OTUD7A: variants seen among roughly 807,000 people sequenced by gnomAD.
OTUD7A encodes OTU deubiquitinase 7A.
In OTUD7A, 12 loss-of-function variants were observed where a neutral mutation model predicts 65.7. The ratio of observed to expected loss-of-function variants is 0.18; its 90% CI spans 0.12 to 0.30. OTUD7A has a LOEUF of 0.30. Ranked by LOEUF, OTUD7A falls within the 10% of genes least tolerant of loss-of-function variation. OTUD7A has a pLI of 1.00. For synonymous variants in OTUD7A, 641 were observed against 586.3 expected (o/e 1.09, Z -1.35); for missense variants, 1,148 against 1,304.8 (o/e 0.88, Z 1.85).
At chr15:31,774,520 T>C (rs1007181192) in intron 1 of OTUD7A, among the ~76,000 whole-genome samples, 5 of 152,206 alleles carry the variant, frequency 3.3e-5, no homozygotes, top group African/African-American at 1.2e-4. Context: ...TGGCTTGAAC[T>C]TGCCACTCTG....
intron 5 of OTUD7A, among the ~76,000 whole-genome samples, chr15:31,534,035 A>G (rs1887716617): frequency 6.6e-6 from 1 of 152,222 alleles, no homozygotes; most frequent in African/African-American, 2.4e-5. Context: ...TTATACCAAG[A>G]GGTATACCTA....
At chr15:31,567,914 G>A (rs906637491) in intron 4 of OTUD7A, among the ~76,000 whole-genome samples, 36 of 152,268 alleles carry the variant, frequency 2.4e-4, no homozygotes, top group Non-Finnish European at 3.1e-4. Flanking sequence ...ATGCAAGAGT[G>A]AATGAGGTTT....
intron 1 of OTUD7A, among the ~76,000 whole-genome samples, chr15:31,816,871 CG>C (rs1410327015): frequency 6.6e-6 from 1 of 152,166 alleles, no homozygotes; most frequent in Non-Finnish European, 1.5e-5. Flanking sequence ...ATGGGAAGGG[CG>C]TTCTCAGCAA....
chr15:31,825,490 G>T (rs1418092966), intron 1 of OTUD7A, among the ~76,000 whole-genome samples: 1 of 152,198 alleles, frequency 6.6e-6, no homozygotes, highest in Non-Finnish European at 1.5e-5. Flanking sequence ...CTCCCACTGG[G>T]TCCCTCCCAC....
intron 1 of OTUD7A, among the ~76,000 whole-genome samples, chr15:31,663,464 G>A (rs1474080516): frequency 7.4e-6 from 1 of 135,492 alleles, no homozygotes; most frequent in East Asian, 2.2e-4. Context: ...GCCCCAGGGT[G>A]TGTTGTTCCC....
chr15:31,564,072 A>G (rs1478475237), intron 4 of OTUD7A, among the ~76,000 whole-genome samples: 1 of 150,468 alleles, frequency 6.6e-6, no homozygotes, highest in Non-Finnish European at 1.5e-5. Context: ...ATGCAAAATA[A>G]TAATAACAAT....
intron 5 of OTUD7A, among the ~76,000 whole-genome samples, chr15:31,552,681 C>A (rs1385421111): frequency 6.6e-6 from 1 of 152,242 alleles, no homozygotes; most frequent in Non-Finnish European, 1.5e-5. Flanking sequence ...GAACCCTGGC[C>A]TCTGTCTCTC....
chr15:31,586,169 A>G (rs1889530217), intron 3 of OTUD7A, among the ~76,000 whole-genome samples: 1 of 152,210 alleles, frequency 6.6e-6, no homozygotes, highest in African/African-American at 2.4e-5. Flanking sequence ...CCTCCAGGAT[A>G]GAATGACCAA....
At chr15:31,676,112 AC>A (rs1355296933) in intron 1 of OTUD7A, among the ~76,000 whole-genome samples, 1 of 152,226 alleles carries the variant, frequency 6.6e-6, no homozygotes, top group Non-Finnish European at 1.5e-5. Flanking sequence ...AGATATTGTG[AC>A]TAAAGTGATG....
intron 3 of OTUD7A, among the ~76,000 whole-genome samples, chr15:31,625,632 T>C (rs933304463): frequency 6.6e-6 from 1 of 152,154 alleles, no homozygotes; most frequent in Non-Finnish European, 1.5e-5. Flanking sequence ...TACATCTACC[T>C]GGGATCCAGA....
intron 1 of OTUD7A, among the ~76,000 whole-genome samples, chr15:31,849,058 T>C (rs1200148016): frequency 2.0e-5 from 3 of 152,238 alleles, no homozygotes; most frequent in Non-Finnish European, 4.4e-5. Flanking sequence ...TTCTGGCTTG[T>C]AGAGCTTCTG....
intron 3 of OTUD7A, among the ~76,000 whole-genome samples, chr15:31,600,553 C>T (rs1890043305): frequency 1.3e-5 from 2 of 152,118 alleles, no homozygotes; most frequent in Admixed American, 1.3e-4. Context: ...CTGCAGCAAC[C>T]AACGAGCAAA....
rs188311468 is a variant in OTUD7A at position 31,809,250 on chromosome 15, C to T, written c.-100+61257G>A. On this transcript the variant is annotated intron_variant, in intron 1 of 12. Transcript: ENST00000307050. ...GAATCTGGTATCCTTTCACCACTGG[C>T]GATTCTGAATTCCAGCTCTTAGGAA... Among the ~76,000 whole-genome samples the T allele has an allele frequency of 5.4e-4, 83 of 152,304 alleles. 1 individual carries two copies. The highest frequency in any genetic ancestry group is 1.7e-3 in the African/African-American group (72 of 41,560).
At chr15:31,638,943 G>T (rs2141259355) in intron 3 of OTUD7A, among the ~76,000 whole-genome samples, 1 of 152,168 alleles carries the variant, frequency 6.6e-6, no homozygotes, top group Admixed American at 6.5e-5. Context: ...GACCATCCCG[G>T]CTAACACGGT....
intron 1 of OTUD7A, among the ~76,000 whole-genome samples, chr15:31,814,051 C>T (rs560603333): frequency 5.3e-5 from 8 of 152,312 alleles, no homozygotes; most frequent in African/African-American, 1.9e-4. Flanking sequence ...ACTAGGTCAC[C>T]ATGGGGTAAC....
At chr15:31,562,680 T>C (rs1428732540) in intron 4 of OTUD7A, among the ~76,000 whole-genome samples, 1 of 152,120 alleles carries the variant, frequency 6.6e-6, no homozygotes, top group Non-Finnish European at 1.5e-5. Flanking sequence ...CGATCCTGGG[T>C]ATATTTTAAA....
rs1201890906 is a variant in OTUD7A at position 31,477,817 on chromosome 15, T to C, written c.*5477A>G. The C allele has an allele frequency of 7.0e-6, 1 of 143,082 alleles. No homozygotes were observed. The highest frequency in any genetic ancestry group is 2.0e-4 in the East Asian group (1 of 4,918). The allele number at this position is 143,082 out of a possible 1,614,324, so 8.9% of individuals were successfully genotyped here. A position where few individuals can be genotyped will look rare whatever the true frequency, so the allele number is the denominator to read the frequency against. On this transcript the variant is annotated 3_prime_UTR_variant, in exon 13 of 13. Transcript: ENST00000307050. ...GATGGGGAGGCGAGAATCAAATAAATGGATGAATGATTAACATCTGCAGCA... is the reference window on the plus strand; with the variant it reads ...GATGGGGAGGCGAGAATCAAATAAACGGATGAATGATTAACATCTGCAGCA...
chr15:31,586,783 A>G lies in OTUD7A; in HGVS notation c.152-16586T>C, dbSNP rs368361835. Reference sequence around the variant, plus strand: ...AACACTGAGAGCTAGCCACTCCCTTAGCCATGTTCTTCTTGGCATCTGGGA... The same window carrying G: ...AACACTGAGAGCTAGCCACTCCCTTGGCCATGTTCTTCTTGGCATCTGGGA... On this transcript the variant is annotated intron_variant, in intron 3 of 12. Coordinates refer to ENST00000307050, the MANE Select transcript of OTUD7A (RefSeq NM_001382637.1). Among the ~76,000 whole-genome samples the G allele has an allele frequency of 1.1e-4, 16 of 152,054 alleles. No individual in the cohort carries two copies. The East Asian group carries it at 3.1e-3, about 30-fold the overall frequency.
chr15:31,610,330 G>A (rs1890364024), intron 3 of OTUD7A, among the ~76,000 whole-genome samples: 1 of 151,806 alleles, frequency 6.6e-6, no homozygotes, highest in Non-Finnish European at 1.5e-5. Context: ...TCTAAGAAAT[G>A]AGATAGATGG....
Sources: gnomAD v4.1 joint callset for allele counts (sites outside exome capture counted in the v4.1 genomes callset) on GRCh38, gnomAD v4.1.1 for gene constraint, MANE v1.5 for transcripts, NCBI Gene and HGNC (gene_info 2026-07-23, HGNC 2026-07-21) for gene names.